SLIT3: variants seen among roughly 807,000 people sequenced by gnomAD.
SLIT3 encodes the protein slit guidance ligand 3.
SLIT3 carries 68 observed loss-of-function variants against 184.0 expected under a neutral mutation model. That is an observed-to-expected ratio of 0.37 (90% confidence interval 0.30 to 0.45). The LOEUF (loss-of-function observed/expected upper bound fraction) is 0.45, where lower values mean the gene tolerates loss of function less well. SLIT3 is among the 20% of genes least tolerant of loss of function. The pLI is 1.00. For missense variants in SLIT3, 1,707 were observed against 2,026.0 expected, an observed-to-expected ratio of 0.84 and a Z score of 3.02; for synonymous variants, 831 against 828.6, an observed-to-expected ratio of 1.00 and a Z score of -0.05.
Position 169,053,101 on chromosome 5 carries a change from G to A in SLIT3, c.413+140378C>T, listed in dbSNP as rs190728284. Reference sequence around the variant, plus strand: ...ACCTGTAGGGTCTGCTGCTTCCTGCGCATGCTAATGCTCTTCTGAAATAAG... The same window carrying A: ...ACCTGTAGGGTCTGCTGCTTCCTGCACATGCTAATGCTCTTCTGAAATAAG... On this transcript the variant is annotated intron_variant, in intron 4 of 35. Coordinates refer to ENST00000519560, the MANE Select transcript of SLIT3 (RefSeq NM_003062.4). Among the ~76,000 whole-genome samples, 12 of 152,320 alleles carry A rather than the reference G, an allele frequency of 7.9e-5. No individual in the cohort carries two copies. The East Asian group carries it at 1.2e-3, about 15-fold the overall frequency.
intron 3 of SLIT3, among the ~76,000 whole-genome samples, chr5:169,232,053 T>G (rs1165792340): frequency 6.6e-6 from 1 of 152,246 alleles, no homozygotes. Flanking sequence ...AATTCTAAAA[T>G]AAGTCCTTTG....
intron 4 of SLIT3, among the ~76,000 whole-genome samples, chr5:168,952,585 AAAGAC>A (rs1299050430): frequency 7.9e-4 from 118 of 149,454 alleles, no homozygotes; most frequent in African/African-American, 2.7e-3. Context: ...AAAAAAAAAA[AAAGAC>A]AGAGAGGGAG....
intron 4 of SLIT3, among the ~76,000 whole-genome samples, chr5:168,964,737 G>T (rs1763125305): frequency 6.6e-6 from 1 of 152,160 alleles, no homozygotes; most frequent in African/African-American, 2.4e-5. Context: ...GAGCATCAAA[G>T]AAATTGCAGT....
At chr5:169,114,846 GC>G (rs1230905180) in intron 4 of SLIT3, among the ~76,000 whole-genome samples, 1 of 152,214 alleles carries the variant, frequency 6.6e-6, no homozygotes, top group Non-Finnish European at 1.5e-5. Flanking sequence ...ATAGCTGGCA[GC>G]CGTGGGCTGT....
intron 5 of SLIT3, among the ~76,000 whole-genome samples, chr5:168,868,763 AAAAG>A (rs1174736341): frequency 0.013 from 1,410 of 105,046 alleles, 33 homozygotes; most frequent in African/African-American, 0.069. Context: ...AAAAAAAAAA[AAAAG>A]AAAAAGAAAA....
intron 4 of SLIT3, 137 bp downstream of exon 4, chr5:169,193,342 C>T (rs1168457398): frequency 1.4e-6 from 1 of 734,050 alleles, no homozygotes; most frequent in Non-Finnish European, 2.5e-6. Context: ...GACGTCATGT[C>T]AAAGCCCTGC....
At chr5:168,964,249 C>A (rs1227210602) in intron 4 of SLIT3, among the ~76,000 whole-genome samples, 1 of 152,150 alleles carries the variant, frequency 6.6e-6, no homozygotes, top group Admixed American at 6.5e-5. Flanking sequence ...ATATTAGGAA[C>A]GATTTAACTG....
chr5:169,164,429 A>G (rs941952589), intron 4 of SLIT3, among the ~76,000 whole-genome samples: 1 of 152,190 alleles, frequency 6.6e-6, no homozygotes, highest in African/African-American at 2.4e-5. Context: ...AGTAGAAATT[A>G]TCCTTGAGGC....
At chr5:168,741,521 A>G (rs1217950710) in intron 20 of SLIT3, among the ~76,000 whole-genome samples, 7 of 150,344 alleles carry the variant, frequency 4.7e-5, no homozygotes, top group African/African-American at 1.5e-4. Context: ...TTCAGAGAGG[A>G]ATGCCTGCTA....
chr5:169,112,206 C>T (rs1465009983), intron 4 of SLIT3, among the ~76,000 whole-genome samples: 1 of 152,210 alleles, frequency 6.6e-6, no homozygotes, highest in African/African-American at 2.4e-5. Context: ...CACAGTAGCT[C>T]CCTTTGTTCT....
At chr5:169,262,499 A>G (rs1766226999) in intron 1 of SLIT3, among the ~76,000 whole-genome samples, 1 of 152,158 alleles carries the variant, frequency 6.6e-6, no homozygotes, top group African/African-American at 2.4e-5. Context: ...AGTGACACCA[A>G]ATGGGATCAC....
chr5:168,737,768 T>C (rs1168328143), intron 20 of SLIT3, among the ~76,000 whole-genome samples: 1 of 152,360 alleles, frequency 6.6e-6, no homozygotes, highest in South Asian at 2.1e-4. Flanking sequence ...TTGCAGAGTT[T>C]GTTTCCAGAA....
intron 20 of SLIT3, among the ~76,000 whole-genome samples, chr5:168,741,396 G>A (rs941368437): frequency 2.6e-4 from 38 of 147,926 alleles, no homozygotes; most frequent in African/African-American, 8.6e-4. Context: ...GTGTGAACCC[G>A]GGAGGCAGAG....
intron 8 of SLIT3, among the ~76,000 whole-genome samples, chr5:168,807,220 T>C (rs942096232): frequency 6.6e-6 from 1 of 152,110 alleles, no homozygotes. Flanking sequence ...GAGGTGAGAA[T>C]CAGTGTGAAT....
At chr5:168,689,701 C>A (rs1184218913) in intron 29 of SLIT3, among the ~76,000 whole-genome samples, 1 of 152,186 alleles carries the variant, frequency 6.6e-6, no homozygotes, top group Non-Finnish European at 1.5e-5. Flanking sequence ...AGGGAACGTA[C>A]AAGGAGAACT....
At chr5:168,908,242 C>T (rs1761142890) in intron 4 of SLIT3, among the ~76,000 whole-genome samples, 2 of 151,874 alleles carry the variant, frequency 1.3e-5, no homozygotes, top group African/African-American at 4.8e-5. Flanking sequence ...CATTATATTC[C>T]TTGCAAACAT....
intron 10 of SLIT3, among the ~76,000 whole-genome samples, chr5:168,795,141 G>A (rs78196666): frequency 0.063 from 9,553 of 152,170 alleles, 982 homozygotes; most frequent in African/African-American, 0.22. Flanking sequence ...AGACAGCTGC[G>A]GGGCCACCAT....
intron 4 of SLIT3, among the ~76,000 whole-genome samples, chr5:169,020,162 A>G (rs1049160620): frequency 6.6e-6 from 1 of 152,198 alleles, no homozygotes; most frequent in Non-Finnish European, 1.5e-5. Context: ...ATATTTTACT[A>G]TCTGGCCTTT....
chr5:168,796,406 A>C (rs537161837), intron 9 of SLIT3, among the ~76,000 whole-genome samples: 4 of 152,268 alleles, frequency 2.6e-5, no homozygotes, highest in African/African-American at 9.6e-5. Context: ...GTGTGGTGGG[A>C]AACAGGCATG....
Sources: allele counts gnomAD v4.1 joint callset (sites outside exome capture counted in the v4.1 genomes callset), GRCh38; gene constraint gnomAD v4.1.1; transcripts MANE v1.5; gene names NCBI Gene and HGNC (gene_info 2026-07-23, HGNC 2026-07-21).